The following CNEP1R1 variants were observed in gnomAD, a reference collection of about 807,000 sequenced individuals.
CNEP1R1 encodes nuclear envelope phosphatase-regulatory subunit 1.
A neutral mutation model predicts 22.7 loss-of-function variants in CNEP1R1; 10 were observed. The ratio of observed to expected loss-of-function variants is 0.44; its 90% CI spans 0.27 to 0.75. The LOEUF is 0.75. Among genes scored for constraint, CNEP1R1 ranks in the 30% least tolerant of loss-of-function variants. The pLI is 0.17. For missense variants in CNEP1R1, 73 were observed against 151.5 expected, an observed-to-expected ratio of 0.48 and a Z score of 2.72; for synonymous variants, 53 against 50.1, an observed-to-expected ratio of 1.06 and a Z score of -0.25.
At chr16:50,029,851 T>G (rs1303325650) in intron 3 of CNEP1R1, 53 bp downstream of exon 3, 5 of 1,002,902 alleles carry the variant, frequency 5.0e-6, no homozygotes, top group Non-Finnish European at 7.9e-6. Flanking sequence ...TAATGGATAT[T>G]GTAGTGCTTT....
chr16:50,025,702 G>T (rs753858011), intron 1 of CNEP1R1: 2 of 1,613,482 alleles, frequency 1.2e-6, no homozygotes, highest in Non-Finnish European at 1.7e-6. Context: ...AACTGCCAAG[G>T]TTAGGAAGTG....
intron 1 of CNEP1R1, chr16:50,025,656 C>T: frequency 6.2e-7 from 1 of 1,613,738 alleles, no homozygotes; most frequent in Non-Finnish European, 8.5e-7. Flanking sequence ...CACAGCCCCG[C>T]GAGTTGTATC....
chr16:50,035,278 G>A (rs1414937344), intron 5 of CNEP1R1, 139 bp from the exon 6 acceptor site: 1 of 551,184 alleles, frequency 1.8e-6, no homozygotes, highest in East Asian at 3.1e-5. Context: ...AGCTCTGAAA[G>A]CATAACTATT....
At chr16:50,027,507 CA>C (rs71138024) in intron 2 of CNEP1R1, among the ~76,000 whole-genome samples, 5,592 of 110,010 alleles carry the variant, frequency 0.051, 140 homozygotes, top group Non-Finnish European at 0.07. Flanking sequence ...GACTCTGTCT[CA>C]AAAAAAAAAA....
Position 50,033,421 on chromosome 16 carries a change from A to G in CNEP1R1, c.196A>G (p.Asn66Asp). The G allele has an allele frequency of 6.3e-7, 1 of 1,595,020 alleles. No homozygotes were observed. The highest frequency in any genetic ancestry group is 8.6e-7 in the Non-Finnish European group (1 of 1,164,062). ...GGTGTCCTTCTTCACATCATTATGG[A>G]ATCACCCATTTTTCACCATTAGCTG... ...QKVSFFTSLWNHPFFTISCIT... is the reference protein window; with the variant it reads ...QKVSFFTSLWDHPFFTISCIT... The change falls in exon 4 of 6, where the codon AAT becomes GAT. Residue 66 changes from asparagine (N) to aspartate (D), a missense_variant. Asn to Asp is a conservative substitution (Grantham distance 23, BLOSUM62 1). Coordinates refer to ENST00000427478, the MANE Select transcript of CNEP1R1 (RefSeq NM_001281789.2).
intron 3 of CNEP1R1, among the ~76,000 whole-genome samples, chr16:50,030,965 A>T (rs1361599925): frequency 6.6e-6 from 1 of 152,204 alleles, no homozygotes; most frequent in Admixed American, 6.5e-5. Flanking sequence ...AGCTGATAGC[A>T]TGTTTCTCAA....
intron 3 of CNEP1R1, among the ~76,000 whole-genome samples, chr16:50,031,656 G>A (rs911965021): frequency 8.5e-5 from 13 of 152,136 alleles, no homozygotes; most frequent in African/African-American, 3.1e-4. Flanking sequence ...ATAACTATTC[G>A]CCTAAGGGTT....
At chr16:50,033,085 C>T (rs1272839989) in intron 3 of CNEP1R1, among the ~76,000 whole-genome samples, 1 of 151,666 alleles carries the variant, frequency 6.6e-6, no homozygotes, top group African/African-American at 2.4e-5. Context: ...CATCTTCACT[C>T]ATTCAATGCA....
chr16:50,025,232 G>A lies in CNEP1R1; in HGVS notation c.-84G>A, dbSNP rs2036167334. 1 of 1,298,254 alleles carries A rather than the reference G, an allele frequency of 7.7e-7. No individual in the cohort carries two copies. Among genetic ancestry groups the A allele is most frequent in the Non-Finnish European group, 1.0e-6 (1 of 997,922 alleles). The allele number at this position is 1,298,254 out of a possible 1,614,324, so 80.4% of individuals were successfully genotyped here. ...GGGCAGCGGGGAGCGGTTAGAGGTG[G>A]GAGTTGGCGCTGCGGGCCGGGCGGG... On this transcript the variant is annotated 5_prime_UTR_variant, in exon 1 of 6. Coordinates refer to ENST00000427478, the MANE Select transcript of CNEP1R1 (RefSeq NM_001281789.2).
chr16:50,025,374 C>G (rs756137402), intron 1 of CNEP1R1, 34 bp downstream of exon 1: 1 of 1,429,450 alleles, frequency 7.0e-7, no homozygotes, highest in Non-Finnish European at 9.1e-7. Flanking sequence ...TCCCCCGTCT[C>G]CCCTCGGAAG....
At chr16:50,034,064 TTGAAA>T in intron 4 of CNEP1R1, 33 bp from the exon 5 acceptor site, 1 of 1,541,314 alleles carries the variant, frequency 6.5e-7, no homozygotes, top group Non-Finnish European at 8.8e-7. Context: ...AAGCATACTC[TTGAAA>T]TGAGAAATTT....
intron 1 of CNEP1R1, 104 bp from the exon 2 acceptor site, chr16:50,026,292 A>G (rs17213264): frequency 0.1 from 73,833 of 741,428 alleles, 4,314 homozygotes; most frequent in Middle Eastern, 0.19. Context: ...GACCTGAAGC[A>G]GTTAAGAGTA....
In CNEP1R1 at chr16:50,033,453, T is replaced by A; in HGVS notation, c.228T>A (p.Thr76=). The A allele has an allele frequency of 3.1e-6, 5 of 1,603,822 alleles. No individual in the cohort carries two copies. In the South Asian group the frequency reaches 4.4e-5, roughly 14 times the overall value. The change falls in exon 4 of 6, where the codon ACT becomes ACA. Residue 76 remains threonine (T), a synonymous_variant. Transcript: ENST00000427478. ...CATTTTTCACCATTAGCTGTATCAC[T>A]CTAATAGGCTTGTTCTTTGCTGGAA... is the stretch of plus-strand genomic sequence containing the variant. ...NHPFFTISCI[T]LIGLFFAGIH...
At chr16:50,031,695 C>T (rs1269833673) in intron 3 of CNEP1R1, among the ~76,000 whole-genome samples, 3 of 151,990 alleles carry the variant, frequency 2.0e-5, no homozygotes, top group Non-Finnish European at 4.4e-5. Flanking sequence ...ATTTAATAAC[C>T]CCAAACCTGA....
At chr16:50,029,888 C>A in intron 3 of CNEP1R1, 90 bp downstream of exon 3, 1 of 719,750 alleles carries the variant, frequency 1.4e-6, no homozygotes, top group Non-Finnish European at 2.4e-6. Flanking sequence ...TCAAACACTA[C>A]CTATTAACTA....
intron 1 of CNEP1R1, 61 bp from the exon 2 acceptor site, chr16:50,026,335 T>G (rs2036182856): frequency 1.7e-6 from 2 of 1,205,366 alleles, no homozygotes; most frequent in Non-Finnish European, 2.4e-6. Flanking sequence ...AGGTAAATAC[T>G]CTGACATTTC....
At chr16:50,035,388 G>C in intron 5 of CNEP1R1, 29 bp from the exon 6 acceptor site, 1 of 1,397,496 alleles carries the variant, frequency 7.2e-7, no homozygotes, top group South Asian at 1.2e-5. Flanking sequence ...ACTGTGTATT[G>C]AAAAAATTCT....
intron 2 of CNEP1R1, among the ~76,000 whole-genome samples, chr16:50,028,393 G>A (rs1230551052): frequency 2.0e-5 from 3 of 152,202 alleles, no homozygotes; most frequent in Non-Finnish European, 2.9e-5. Flanking sequence ...AAGCACTATT[G>A]AAGCTAAGGA....
At chr16:50,026,584 A>G (rs1272504430) in intron 2 of CNEP1R1, 117 bp downstream of exon 2, 1 of 767,874 alleles carries the variant, frequency 1.3e-6, no homozygotes, top group Non-Finnish European at 2.1e-6. Context: ...ATTGTAGACA[A>G]TGCCTTATGA....
Sources: allele counts gnomAD v4.1 joint callset (sites outside exome capture counted in the v4.1 genomes callset), GRCh38; gene constraint gnomAD v4.1.1; transcripts MANE v1.5; gene names NCBI Gene and HGNC (gene_info 2026-07-23, HGNC 2026-07-21).